The following NTRK3 variants were observed in gnomAD, a reference collection of about 807,000 sequenced individuals.
NTRK3 encodes the protein neurotrophic receptor tyrosine kinase 3.
NTRK3 carries 24 observed loss-of-function variants against 91.7 expected under a neutral mutation model. The ratio of observed to expected loss-of-function variants is 0.26; its 90% CI spans 0.19 to 0.37. The LOEUF is 0.37. NTRK3 is among the 10% of genes least tolerant of loss of function. NTRK3 has a pLI of 1.00. For synonymous variants in NTRK3, 483 were observed against 404.0 expected, an observed-to-expected ratio of 1.20 and a Z score of -2.34; for missense variants, 880 against 1,068.9, an observed-to-expected ratio of 0.82 and a Z score of 2.46.
chr15:88,145,089 C>T (rs1029181306), intron 6 of NTRK3, among the ~76,000 whole-genome samples: 3 of 152,194 alleles, frequency 2.0e-5, no homozygotes, highest in African/African-American at 7.2e-5. Context: ...CCCCAGCCCA[C>T]AGGCTCCATC....
rs1424515382 is a variant in NTRK3 at position 87,885,689 on chromosome 15, C to G, written c.2134-5261G>C. 7.2e-7 allele frequency: 1 copy of G among 1,390,946 alleles called. No individual in the cohort carries two copies. The highest frequency in any genetic ancestry group is 2.7e-5 in the East Asian group (1 of 36,892). The allele number at this position is 1,390,946 out of a possible 1,614,324, so 86.2% of individuals were successfully genotyped here. ...TCATTAAAAAAAATACGCTTAGATA[C>G]CTACCTCACACCATATACAAAAATC... On this transcript the variant is annotated intron_variant, in intron 17 of 18. Coordinates refer to ENST00000394480, the Ensembl canonical transcript of NTRK3.
At chr15:87,912,999 A>AT (rs527596874) in intron 17 of NTRK3, among the ~76,000 whole-genome samples, 6 of 139,852 alleles carry the variant, frequency 4.3e-5, no homozygotes, top group Non-Finnish European at 9.3e-5. Context: ...TGCTACATTG[A>AT]TAAAAGTTGG....
intron 15 of NTRK3, among the ~76,000 whole-genome samples, chr15:87,936,215 C>T (rs1044297023): frequency 1.7e-4 from 26 of 152,150 alleles, no homozygotes; most frequent in African/African-American, 2.9e-4. Flanking sequence ...TGCATCTTGC[C>T]AAGAGGTCTC....
chr15:87,935,155 A>G (rs976406648), intron 15 of NTRK3, among the ~76,000 whole-genome samples: 4 of 152,172 alleles, frequency 2.6e-5, no homozygotes, highest in African/African-American at 9.7e-5. Flanking sequence ...ATTAGTCACT[A>G]GGCAGGTCCC....
chr15:88,250,755 G>C (rs1263343545), intron 3 of NTRK3, among the ~76,000 whole-genome samples: 2 of 152,048 alleles, frequency 1.3e-5, no homozygotes, highest in Non-Finnish European at 2.9e-5. Flanking sequence ...AAGAGCAGTG[G>C]GTACCAAGCT....
chr15:88,248,976 A>T (rs1302622007), intron 3 of NTRK3, among the ~76,000 whole-genome samples: 3 of 152,176 alleles, frequency 2.0e-5, no homozygotes, highest in Admixed American at 2.0e-4. Flanking sequence ...GGAAATTGAG[A>T]CCCAGAGGAG....
At chr15:87,955,048 C>T (rs2071521295) in intron 14 of NTRK3, among the ~76,000 whole-genome samples, 1 of 152,176 alleles carries the variant, frequency 6.6e-6, no homozygotes, top group Non-Finnish European at 1.5e-5. Flanking sequence ...CATGACATTG[C>T]ATTTGGGAAG....
At chr15:88,201,366 C>T (rs966622629) in intron 3 of NTRK3, among the ~76,000 whole-genome samples, 2 of 152,222 alleles carry the variant, frequency 1.3e-5, no homozygotes, top group African/African-American at 4.8e-5. Context: ...ACCCACGGGT[C>T]TCATGGGTGT....
chr15:88,096,053 A>T (rs1336247800), intron 13 of NTRK3, among the ~76,000 whole-genome samples: 1 of 152,186 alleles, frequency 6.6e-6, no homozygotes, highest in Non-Finnish European at 1.5e-5. Flanking sequence ...TAAATGGGAA[A>T]ATAATTTTAG....
At chr15:87,882,662 G>A (rs2065316113) in intron 17 of NTRK3, among the ~76,000 whole-genome samples, 1 of 152,004 alleles carries the variant, frequency 6.6e-6, no homozygotes, top group African/African-American at 2.4e-5. Context: ...CCTGATAAAG[G>A]CTGTATGTTA....
rs115191222 is a variant in NTRK3, at chr15:88,246,415, C to T, written c.248+9491G>A. ...CTGCTATTTTCTGAGCACTACTTGT[C>T]GTCCGGTAATTTCCAAGCTTGGGTT... On this transcript the variant is annotated intron_variant, in intron 3 of 18. Transcript: ENST00000394480. Among the ~76,000 whole-genome samples the T allele has an allele frequency of 8.1e-3, 1,240 of 152,224 alleles. 9 individuals are homozygous for T. Among genetic ancestry groups the T allele is most frequent in the African/African-American group, 0.028 (1,181 of 41,520 alleles).
chr15:88,159,589 A>G (rs1372689987), intron 5 of NTRK3, among the ~76,000 whole-genome samples: 4 of 152,234 alleles, frequency 2.6e-5, no homozygotes, highest in African/African-American at 7.2e-5. Context: ...TTTGGCTCCA[A>G]TCAAATCCCT....
At chr15:87,964,922 T>C (rs1293941050) in intron 14 of NTRK3, among the ~76,000 whole-genome samples, 1 of 152,264 alleles carries the variant, frequency 6.6e-6, no homozygotes, top group Non-Finnish European at 1.5e-5. Flanking sequence ...TTGACCATTA[T>C]GAAAAATGCT....
intron 13 of NTRK3, among the ~76,000 whole-genome samples, chr15:88,125,044 A>G (rs1414811476): frequency 6.6e-6 from 1 of 152,184 alleles, no homozygotes; most frequent in Non-Finnish European, 1.5e-5. Flanking sequence ...CAGTGGTGTG[A>G]TGACAGCTCA....
At chr15:88,119,251 C>T (rs1416710215) in intron 13 of NTRK3, among the ~76,000 whole-genome samples, 1 of 152,176 alleles carries the variant, frequency 6.6e-6, no homozygotes, top group Non-Finnish European at 1.5e-5. Flanking sequence ...TCTCAAAGCT[C>T]CAAGCACCAC....
At position 88,026,450 on chromosome 15, in the gene NTRK3, G is replaced by A. The variant is rs577250791; in HGVS notation, c.1585+6407C>T. Among the ~76,000 whole-genome samples the A allele has an allele frequency of 2.0e-5, 3 of 152,270 alleles. No individual in the cohort carries two copies. In the South Asian group the frequency reaches 6.2e-4, roughly 32 times the overall value. ...AAAAGACAACACTATAGAGACAGTA[G>A]AAAGATCAGTGGTCGCCAGGGATTG... On this transcript the variant is annotated intron_variant, in intron 14 of 18. Transcript: ENST00000394480.
rs538119446 is a variant in NTRK3 at position 88,162,696 on chromosome 15, T to G, written c.396-15293A>C. ...TTAAGAATAATTAATATCATCAGGATAGCAAACTCATCCAAGGAAAATAAT... is the reference window on the plus strand; with the variant it reads ...TTAAGAATAATTAATATCATCAGGAGAGCAAACTCATCCAAGGAAAATAAT... On this transcript the variant is annotated intron_variant, in intron 5 of 18. Transcript: ENST00000394480. Among the ~76,000 whole-genome samples the G allele has an allele frequency of 6.6e-5, 10 of 152,340 alleles. No individual in the cohort carries two copies. In the South Asian group the frequency reaches 1.9e-3, roughly 28 times the overall value.
intron 14 of NTRK3, chr15:87,981,087 A>G (rs987644766): frequency 2.2e-6 from 3 of 1,358,280 alleles, no homozygotes; most frequent in Non-Finnish European, 3.1e-6. Flanking sequence ...TTTTAGTACC[A>G]AATCCCGTGC....
chr15:88,140,580 C>A (rs1243315526), intron 6 of NTRK3, among the ~76,000 whole-genome samples: 1 of 152,160 alleles, frequency 6.6e-6, no homozygotes, highest in Admixed American at 6.5e-5. Flanking sequence ...CAGTATCTAC[C>A]AATTAGAAAT....
Sources: allele counts gnomAD v4.1 joint callset (sites outside exome capture counted in the v4.1 genomes callset), GRCh38; gene constraint gnomAD v4.1.1; transcripts MANE v1.5; gene names NCBI Gene and HGNC (gene_info 2026-07-23, HGNC 2026-07-21).